LGI1: variants seen among roughly 807,000 people sequenced by gnomAD.
The protein encoded by LGI1 is leucine rich glioma inactivated 1.
LGI1 carries 11 observed loss-of-function variants against 57.7 expected under a neutral mutation model. That is an observed-to-expected ratio of 0.19 (90% CI 0.12 to 0.32). The LOEUF is 0.32. Ranked by LOEUF, LGI1 falls within the 10% of genes least tolerant of loss-of-function variation. The pLI is 1.00. For synonymous variants in LGI1, 222 were observed against 241.9 expected (o/e 0.92, Z 0.76); for missense variants, 422 against 661.9 (o/e 0.64, Z 3.98).
chr10:93,764,987 C>A (rs982049607), intron 2 of LGI1: 1 of 151,744 alleles, frequency 6.6e-6, no homozygotes, highest in African/African-American at 2.4e-5. Flanking sequence ...ATTTACCTTT[C>A]AAAAAAAAGT....
Position 93,796,816 on chromosome 10 carries a change from A to G in LGI1, c.839-152A>G. On this transcript the variant is annotated intron_variant, in intron 7 of 7. Transcript: ENST00000371418. The stretch of plus-strand genomic sequence containing the variant: ...CACGGAACTTTAGGACACTGCTGCC[A>G]TTGGGCTTTGGAGACCAGCCTTGCC... 5.9e-6 allele frequency: 4 copies of G among 673,502 alleles called. 1 individual carries two copies. The highest frequency in any genetic ancestry group is 5.4e-5 in the South Asian group (3 of 55,368). The allele number at this position is 673,502 out of a possible 1,614,324, so 41.7% of individuals were successfully genotyped here. A position where few individuals can be genotyped will look rare whatever the true frequency, so the allele number is the denominator to read the frequency against.
chr10:93,764,903 T>C (rs1357396809), intron 2 of LGI1: 1 of 152,146 alleles, frequency 6.6e-6, no homozygotes, highest in Non-Finnish European at 1.5e-5. Context: ...CATTTTGTGG[T>C]TCTACACACA....
chr10:93,783,240 G>T (rs2059863553), intron 4 of LGI1, among the ~76,000 whole-genome samples: 1 of 152,156 alleles, frequency 6.6e-6, no homozygotes, highest in Non-Finnish European at 1.5e-5. Flanking sequence ...GCTGGGCGTG[G>T]TGGCGGGCGC....
chr10:93,773,105 G>T (rs1425235219), intron 2 of LGI1, among the ~76,000 whole-genome samples: 1 of 151,230 alleles, frequency 6.6e-6, no homozygotes, highest in African/African-American at 2.4e-5. Flanking sequence ...AAAAAAAACT[G>T]GAAAAACCTC....
intron 2 of LGI1, among the ~76,000 whole-genome samples, chr10:93,761,110 C>T (rs144407008): frequency 6.6e-6 from 1 of 152,238 alleles, no homozygotes; most frequent in East Asian, 1.9e-4. Flanking sequence ...TATGAGAAGG[C>T]TCTGAATATG....
At chr10:93,780,900 C>G (rs548292611) in intron 4 of LGI1, among the ~76,000 whole-genome samples, 6 of 152,214 alleles carry the variant, frequency 3.9e-5, no homozygotes, top group African/African-American at 1.4e-4. Flanking sequence ...TAGACGTATA[C>G]TTTCAGGTCC....
intron 2 of LGI1, among the ~76,000 whole-genome samples, chr10:93,760,256 T>C (rs55989835): frequency 0.026 from 3,901 of 152,328 alleles, 168 homozygotes; most frequent in African/African-American, 0.09. Context: ...GATTGATGGC[T>C]AGTGGTGTGA....
chr10:93,777,070 A>G lies in LGI1; in HGVS notation c.288-309A>G, dbSNP rs181472293. On this transcript the variant is annotated intron_variant, in intron 2 of 7. Coordinates refer to ENST00000371418, the MANE Select transcript of LGI1 (RefSeq NM_005097.4). ...TTGTTAGTGCCTTTGTCATGAAAAT[A>G]TGTAAAATGTTGCTTTGGCTGCTTT... 264 of 476,778 alleles carry G rather than the reference A, an allele frequency of 5.5e-4. 1 individual carries two copies. Among genetic ancestry groups the G allele is most frequent in the South Asian group, 4.8e-3 (208 of 43,672 alleles). The allele number at this position is 476,778 out of a possible 1,614,324, so 29.5% of individuals were successfully genotyped here.
intron 4 of LGI1, among the ~76,000 whole-genome samples, chr10:93,779,352 G>GA (rs2059824609): frequency 7.3e-6 from 1 of 137,320 alleles, no homozygotes; most frequent in Admixed American, 8.2e-5. Context: ...CACAGAACAG[G>GA]AAAAAATGTT....
chr10:93,758,344 CTGA>C lies in LGI1; in HGVS notation c.203_205del (p.Asp68del). The C allele has an allele frequency of 2.5e-6, 4 of 1,614,056 alleles. No homozygotes were observed. The highest frequency in any genetic ancestry group is 2.5e-6 in the Non-Finnish European group (3 of 1,179,938). ...AGATCCATTCCACGCACCGTTCCTCCTGATGTTATCTCATTGTAAGGCCCGTAA... is the reference window on the plus strand; with the variant it reads ...AGATCCATTCCACGCACCGTTCCTCCTGTTATCTCATTGTAAGGCCCGTAA... On this transcript the variant is annotated inframe_deletion, in exon 1 of 8. Transcript: ENST00000371418. The surrounding 1 kb of genome is among the most constrained non-coding windows in gnomAD (Gnocchi z 4.7).
chr10:93,764,217 T>C (rs1487425842), intron 2 of LGI1: 3 of 152,184 alleles, frequency 2.0e-5, no homozygotes, highest in Non-Finnish European at 4.4e-5. Context: ...AATTATACTT[T>C]GCCTGTATTT....
chr10:93,779,774 G>C (rs2059830507), intron 4 of LGI1, among the ~76,000 whole-genome samples: 1 of 152,184 alleles, frequency 6.6e-6, no homozygotes, highest in South Asian at 2.1e-4. Flanking sequence ...ACCAAGGGCA[G>C]CCTTCAAAGA....
At chr10:93,776,880 T>A (rs2059799285) in intron 2 of LGI1, 1 of 181,396 alleles carries the variant, frequency 5.5e-6, no homozygotes, top group African/African-American at 2.4e-5. Context: ...GGAGGTTGGC[T>A]GTTGTTCATG....
chr10:93,779,146 G>T (rs2059822937), intron 4 of LGI1, among the ~76,000 whole-genome samples: 1 of 151,928 alleles, frequency 6.6e-6, no homozygotes. Flanking sequence ...ATAAACAAAA[G>T]AAACAAATAT....
intron 4 of LGI1, among the ~76,000 whole-genome samples, chr10:93,779,561 GA>G (rs2059828396): frequency 6.6e-6 from 1 of 151,458 alleles, no homozygotes; most frequent in Non-Finnish European, 1.5e-5. Context: ...AGGGGAAGAG[GA>G]AAAAGGGAAA....
intron 5 of LGI1, 96 bp downstream of exon 5, chr10:93,790,266 A>T: frequency 9.1e-7 from 1 of 1,100,992 alleles, no homozygotes; most frequent in Non-Finnish European, 1.3e-6. Flanking sequence ...ATTGGCTTTT[A>T]AATTAAAATT....
In LGI1 at chr10:93,758,734, G is replaced by A. The variant is rs746045683; in HGVS notation, c.216-26G>A. ...TCTCTTTGTGTGTGTCTGTTTGTTTGTTTTCTCTTTTTTGTTTTCTTTCAG... is the reference window on the plus strand; with the variant it reads ...TCTCTTTGTGTGTGTCTGTTTGTTTATTTTCTCTTTTTTGTTTTCTTTCAG... On this transcript the variant is annotated intron_variant, in intron 1 of 7. Transcript: ENST00000371418. The surrounding 1 kb of genome is among the most constrained non-coding windows in gnomAD (Gnocchi z 4.7). 6.4e-7 allele frequency: 1 copy of A among 1,557,688 alleles called. No individual in the cohort carries two copies. The highest frequency in any genetic ancestry group is 1.7e-5 in the Admixed American group (1 of 59,896).
At chr10:93,791,160 G>A (rs1272698627) in intron 5 of LGI1, 1 of 152,168 alleles carries the variant, frequency 6.6e-6, no homozygotes, top group Non-Finnish European at 1.5e-5. Context: ...CTCAATTCCT[G>A]AATGATATGG....
chr10:93,773,595 A>G (rs2133995823), intron 2 of LGI1, among the ~76,000 whole-genome samples: 1 of 152,300 alleles, frequency 6.6e-6, no homozygotes, highest in African/African-American at 2.4e-5. Context: ...GTTCATATAA[A>G]TGATTTTTCT....
Sources: allele counts gnomAD v4.1 joint callset (sites outside exome capture counted in the v4.1 genomes callset), GRCh38; gene constraint gnomAD v4.1.1; non-coding constraint Gnocchi (gnomAD v3.1); transcripts MANE v1.5; gene names NCBI Gene and HGNC (gene_info 2026-07-23, HGNC 2026-07-21).